The following ZNF462 variants were observed in gnomAD, a reference collection of about 807,000 sequenced individuals.
The protein encoded by ZNF462 is zinc finger PBX1-interacting protein.
A neutral mutation model predicts 201.9 loss-of-function variants in ZNF462; 10 were observed. The observed-to-expected ratio is 0.05, with a 90% CI of 0.03 to 0.08. ZNF462 has a LOEUF of 0.08. ZNF462 is among the 10% of genes least tolerant of loss of function. ZNF462 has a pLI of 1.00. For synonymous variants in ZNF462, 1,227 were observed against 1,193.3 expected (o/e 1.03, Z -0.58); for missense variants, 2,523 against 3,168.3 (o/e 0.80, Z 4.89).
intron 1 of ZNF462, among the ~76,000 whole-genome samples, chr9:106,892,704 G>GCACA (rs10568431): frequency 1.2e-3 from 163 of 131,944 alleles, no homozygotes; most frequent in African/African-American, 3.9e-3. Context: ...ACACACACAC[G>GCACA]CACACACACA....
chr9:106,887,733 G>T (rs1279121325), intron 1 of ZNF462, among the ~76,000 whole-genome samples: 2 of 152,068 alleles, frequency 1.3e-5, no homozygotes, highest in African/African-American at 2.4e-5. Flanking sequence ...ATTCACAGGG[G>T]TCATGATTGC....
intron 9 of ZNF462, among the ~76,000 whole-genome samples, chr9:106,982,699 G>C (rs1461749567): frequency 6.6e-6 from 1 of 152,198 alleles, no homozygotes; most frequent in African/African-American, 2.4e-5. Flanking sequence ...GTATGTTGCA[G>C]ATACCACCTT....
rs1034578927 is a variant in ZNF462 at position 106,935,003 on chromosome 9, G to A, written c.6117-500G>A. On this transcript the variant is annotated intron_variant, in intron 5 of 12. Transcript: ENST00000277225. This position sits in a 1 kb window ranked among gnomAD's most constrained non-coding sequence, Gnocchi z 4.1. ...CCATTGCAAGAAGGTCAGCCACTTC[G>A]AAACCTCCCTTCCTCACTCTAGTGT... Among the ~76,000 whole-genome samples, 2 of 152,144 alleles carry A rather than the reference G, an allele frequency of 1.3e-5. No individual in the cohort carries two copies. The highest frequency in any genetic ancestry group is 4.8e-5 in the African/African-American group (2 of 41,442).
chr9:106,981,191 A>G lies in ZNF462; in HGVS notation c.6833-2995A>G, dbSNP rs574416211. Among the ~76,000 whole-genome samples the G allele has an allele frequency of 7.2e-5, 11 of 152,354 alleles. No individual in the cohort carries two copies. Among genetic ancestry groups the G allele is most frequent in the African/African-American group, 2.2e-4 (9 of 41,590 alleles). ...TCTTAGTTTGGAAATGGGAAGTTCT[A>G]GATTTCAGATTTAAGTTCAGCAGGG... On this transcript the variant is annotated intron_variant, in intron 9 of 12. Transcript: ENST00000277225. The surrounding 1 kb of genome is among the most constrained non-coding windows in gnomAD (Gnocchi z 4.0).
At chr9:107,007,703 G>T (rs189664457) in intron 11 of ZNF462, among the ~76,000 whole-genome samples, 6 of 152,098 alleles carry the variant, frequency 3.9e-5, no homozygotes, top group Non-Finnish European at 8.8e-5. Flanking sequence ...CAATAGCCTC[G>T]GGTGTTTCTG....
rs756271700 is a variant in ZNF462, at chr9:106,928,254, G to A, written c.4342G>A (p.Ala1448Thr). ...PEQEAECPED[A>T]RLSPEKSLQL... is the part of the protein sequence containing the mutation. ...GCAGGAAGCTGAATGTCCAGAGGAT[G>A]CAAGACTGTCCCCTGAGAAAAGCCT... Residue 1448 changes from alanine to threonine, a missense_variant, in exon 3 of 13, where the codon GCA (alanine) becomes ACA (threonine). By Grantham distance (58) the Ala-to-Thr change is moderately conservative (BLOSUM62 0). Coordinates refer to ENST00000277225, the MANE Select transcript of ZNF462 (RefSeq NM_021224.6). This position sits in a 1 kb window ranked among gnomAD's most constrained non-coding sequence, Gnocchi z 9.3. 15 of 1,613,930 alleles carry A rather than the reference G, an allele frequency of 9.3e-6. No individual in the cohort carries two copies. Among genetic ancestry groups the A allele is most frequent in the East Asian group, 6.7e-5 (3 of 44,864 alleles).
rs1827081087 is a variant in ZNF462, at chr9:106,977,287, T to C, written c.6832+3014T>C. 6.8e-6 allele frequency among the ~76,000 whole-genome samples: 1 copy of C among 147,352 alleles called. No individual in the cohort carries two copies. Among genetic ancestry groups the C allele is most frequent in the South Asian group, 2.1e-4 (1 of 4,836 alleles). Reference sequence around the variant, plus strand: ...TTCTGCACCTGTCCTCTTCCTGCTCTATCCATGACATCCTTGGTCTCTCAG... The same window carrying C: ...TTCTGCACCTGTCCTCTTCCTGCTCCATCCATGACATCCTTGGTCTCTCAG... On this transcript the variant is annotated intron_variant, in intron 9 of 12. Coordinates refer to ENST00000277225, the MANE Select transcript of ZNF462 (RefSeq NM_021224.6). This position sits in a 1 kb window ranked among gnomAD's most constrained non-coding sequence, Gnocchi z 4.6.
In ZNF462 at chr9:106,928,802, C is replaced by T. The variant is rs947252001; in HGVS notation, c.4890C>T (p.Ser1630=). 1 of 1,614,162 alleles carries T rather than the reference C, an allele frequency of 6.2e-7. No individual in the cohort carries two copies. The change falls in exon 3 of 13, where the codon TCC becomes TCT. Residue 1630 remains serine, a synonymous_variant. Transcript: ENST00000277225. This position sits in a 1 kb window ranked among gnomAD's most constrained non-coding sequence, Gnocchi z 9.3. ...EPEMTTEVSP[S]QVSITEEEVG... is the part of the protein sequence containing the mutation. Reference sequence around the variant, plus strand: ...AGATGACCACTGAAGTGAGCCCTTCCCAAGTCTCCATCACTGAGGAGGAGG... The same window carrying T: ...AGATGACCACTGAAGTGAGCCCTTCTCAAGTCTCCATCACTGAGGAGGAGG...
At chr9:106,942,956 T>C (rs1830937133) in intron 7 of ZNF462, among the ~76,000 whole-genome samples, 1 of 152,080 alleles carries the variant, frequency 6.6e-6, no homozygotes, top group Admixed American at 6.6e-5. Flanking sequence ...ATTGCCTGCT[T>C]TAGAAAATAG....
rs1257225212 is a variant in ZNF462, at chr9:106,928,563, G to A, written c.4651G>A (p.Asp1551Asn). 4 of 1,614,046 alleles carry A rather than the reference G, an allele frequency of 2.5e-6. No homozygotes were observed. The highest frequency in any genetic ancestry group is 3.4e-6 in the Non-Finnish European group (4 of 1,180,000). The change falls in exon 3 of 13, where the codon GAC becomes AAC. Residue 1551 changes from aspartate to asparagine, a missense_variant. Asp to Asn is a conservative substitution (Grantham distance 23). Coordinates refer to ENST00000277225, the MANE Select transcript of ZNF462 (RefSeq NM_021224.6). This position sits in a 1 kb window ranked among gnomAD's most constrained non-coding sequence, Gnocchi z 9.3. ...IKVTAEDFVH[D>N]VEQSADISQN... ...GGTGACCGCTGAGGACTTTGTGCAC[G>A]ACGTAGAGCAGTCTGCTGACATATC...
intron 7 of ZNF462, among the ~76,000 whole-genome samples, chr9:106,965,706 C>T (rs905409523): frequency 3.9e-5 from 6 of 151,966 alleles, no homozygotes; most frequent in African/African-American, 1.4e-4. Flanking sequence ...TTTCAGGAGT[C>T]CATCAGACAC....
rs1831833723 is a variant in ZNF462 at position 106,961,438 on chromosome 9, C to T, written c.6428-10567C>T. Among the ~76,000 whole-genome samples the T allele has an allele frequency of 2.0e-5, 3 of 152,106 alleles. No homozygotes were observed. The South Asian group carries it at 6.2e-4, about 32-fold the overall frequency. On this transcript the variant is annotated intron_variant, in intron 7 of 12. Coordinates refer to ENST00000277225, the MANE Select transcript of ZNF462 (RefSeq NM_021224.6). ...ATGGTTCAGTGTTTCAGTGGGAAGACTCTTAAACCTCAGTATCCAAAGAGA... is the reference window on the plus strand; with the variant it reads ...ATGGTTCAGTGTTTCAGTGGGAAGATTCTTAAACCTCAGTATCCAAAGAGA...
intron 7 of ZNF462, among the ~76,000 whole-genome samples, chr9:106,940,254 C>T (rs1830811286): frequency 6.6e-6 from 1 of 152,136 alleles, no homozygotes; most frequent in Non-Finnish European, 1.5e-5. Flanking sequence ...GCCTCTGACA[C>T]ATAGTAGGAA....
chr9:106,915,808 A>C (rs982768962), intron 1 of ZNF462, among the ~76,000 whole-genome samples: 1 of 152,184 alleles, frequency 6.6e-6, no homozygotes, highest in Non-Finnish European at 1.5e-5. Flanking sequence ...CTTTATCCTC[A>C]CAGGGTAGTT....
chr9:106,925,116 A>G lies in ZNF462; in HGVS notation c.1204A>G (p.Ser402Gly), dbSNP rs745684430. 2 of 1,614,224 alleles carry G rather than the reference A, an allele frequency of 1.2e-6. No individual in the cohort carries two copies. Among genetic ancestry groups the G allele is most frequent in the Admixed American group, 3.3e-5 (2 of 60,030 alleles). Residue 402 changes from serine (S) to glycine (G), a missense_variant, in exon 3 of 13, where the codon AGT becomes GGT. This residue lies in a region of ZNF462 where 480 missense variants were observed against 544.4 expected (regional missense o/e 0.88). Coordinates refer to ENST00000277225, the MANE Select transcript of ZNF462 (RefSeq NM_021224.6). The surrounding 1 kb of genome is among the most constrained non-coding windows in gnomAD (Gnocchi z 7.9). ...LNEIDSENGLSAMDHQTSGLS... is the reference protein window; with the variant it reads ...LNEIDSENGLGAMDHQTSGLS... ...TGAAATAGACAGTGAGAATGGTTTA[A>G]GTGCTATGGATCACCAGACATCAGG...
At chr9:106,874,190 T>G (rs1183847427) in intron 1 of ZNF462, among the ~76,000 whole-genome samples, 1 of 152,196 alleles carries the variant, frequency 6.6e-6, no homozygotes, top group African/African-American at 2.4e-5. Flanking sequence ...CTGAAGCGTG[T>G]TGTTCTCTGG....
At position 106,928,265 on chromosome 9, in the gene ZNF462, C is replaced by T. The variant is rs2131499312; in HGVS notation, c.4353C>T (p.Ser1451=). The T allele has an allele frequency of 6.2e-7, 1 of 1,614,002 alleles. No homozygotes were observed. The highest frequency in any genetic ancestry group is 1.7e-5 in the Admixed American group (1 of 60,004). The change falls in exon 3 of 13, where the codon TCC becomes TCT. Residue 1451 remains serine (S), a synonymous_variant. Transcript: ENST00000277225. This position sits in a 1 kb window ranked among gnomAD's most constrained non-coding sequence, Gnocchi z 9.3. Reference sequence around the variant, plus strand: ...AATGTCCAGAGGATGCAAGACTGTCCCCTGAGAAAAGCCTGCAGCTAGCTT... The same window carrying T: ...AATGTCCAGAGGATGCAAGACTGTCTCCTGAGAAAAGCCTGCAGCTAGCTT... ...EAECPEDARL[S]PEKSLQLASA...
At chr9:106,989,006 TG>T (rs1427169696) in intron 10 of ZNF462, among the ~76,000 whole-genome samples, 3 of 152,138 alleles carry the variant, frequency 2.0e-5, no homozygotes, top group Admixed American at 2.0e-4. Context: ...ACTCCCTCTT[TG>T]CCAGTTTTGG....
In ZNF462 at chr9:106,925,199, G is replaced by A. The variant is rs1830141081; in HGVS notation, c.1287G>A (p.Gly429=). 6.2e-7 allele frequency: 1 copy of A among 1,614,116 alleles called. No homozygotes were observed. Among genetic ancestry groups the A allele is most frequent in the Non-Finnish European group, 8.5e-7 (1 of 1,180,046 alleles). Residue 429 remains glycine, a synonymous_variant, in exon 3 of 13, where the codon GGG becomes GGA. Coordinates refer to ENST00000277225, the MANE Select transcript of ZNF462 (RefSeq NM_021224.6). The surrounding 1 kb of genome is among the most constrained non-coding windows in gnomAD (Gnocchi z 7.9). The stretch of plus-strand genomic sequence containing the variant: ...GCAACAAATTATTGGAGACCAAGGG[G>A]ATTCCATTTAGAAGATTCATGAATA... ...SDGNKLLETK[G]IPFRRFMNRF... is the part of the protein sequence containing the mutation.
Sources: gnomAD v4.1 joint callset for allele counts (sites outside exome capture counted in the v4.1 genomes callset) on GRCh38, gnomAD v4.1.1 for gene constraint, gnomAD v4.1.1 regional missense constraint, Gnocchi (gnomAD v3.1) non-coding constraint, MANE v1.5 for transcripts, NCBI Gene and HGNC (gene_info 2026-07-23, HGNC 2026-07-21) for gene names.